Variants in USP25 observed in about 807,000 individuals in gnomAD.
USP25 encodes the protein ubiquitin carboxyl-terminal hydrolase 25.
Under a neutral mutation model 158.5 loss-of-function variants are expected in USP25, and 85 were observed. That is an observed-to-expected ratio of 0.54 (90% CI 0.45 to 0.64). The LOEUF (loss-of-function observed/expected upper bound fraction) is 0.64, where lower values mean the gene tolerates loss of function less well. Among genes scored for constraint, USP25 ranks in the 30% least tolerant of loss-of-function variants. The pLI, the probability that USP25 is intolerant of heterozygous loss-of-function variation, is 0.00. For synonymous variants in USP25, 464 were observed against 460.4 expected, an observed-to-expected ratio of 1.01 and a Z score of -0.10; for missense variants, 1,242 against 1,327.3, an observed-to-expected ratio of 0.94 and a Z score of 1.00.
chr21:15,776,516 A>C (rs111691406), intron 3 of USP25, among the ~76,000 whole-genome samples: 2,052 of 152,118 alleles, frequency 0.013, 43 homozygotes, highest in African/African-American at 0.044. Flanking sequence ...TATTTATGTA[A>C]AACCTTATAG....
chr21:15,868,972 T>G (rs1416691396), intron 22 of USP25, among the ~76,000 whole-genome samples: 1 of 152,188 alleles, frequency 6.6e-6, no homozygotes, highest in Non-Finnish European at 1.5e-5. Context: ...AGACTGGATG[T>G]GGTGGCTCAT....
chr21:15,878,346 T>G lies in USP25; in HGVS notation c.3249T>G (p.Leu1083=). The G allele has an allele frequency of 6.2e-7, 1 of 1,613,412 alleles. No homozygotes were observed. Among genetic ancestry groups the G allele is most frequent in the Non-Finnish European group, 8.5e-7 (1 of 1,179,620 alleles). Residue 1083 remains leucine (L), a synonymous_variant, in exon 26 of 26, where the codon CTT becomes CTG. Coordinates refer to ENST00000400183, the MANE Select transcript of USP25 (RefSeq NM_001283041.3). Reference sequence around the variant, plus strand: ...TGACAGATTTTTTGCCAAAACTGCTTGATTGTTCTATGGAGATTAAAAGTT... The same window carrying G: ...TGACAGATTTTTTGCCAAAACTGCTGGATTGTTCTATGGAGATTAAAAGTT... ...EKLTDFLPKL[L]DCSMEIKSFH... is the part of the protein sequence containing the mutation.
chr21:15,791,228 C>CT (rs1011554351), intron 4 of USP25, among the ~76,000 whole-genome samples: 40 of 151,734 alleles, frequency 2.6e-4, no homozygotes, highest in African/African-American at 9.4e-4. Flanking sequence ...GTACTAATAT[C>CT]TAATTTGTTG....
intron 4 of USP25, among the ~76,000 whole-genome samples, chr21:15,783,443 A>G (rs765438435): frequency 4.6e-5 from 7 of 152,150 alleles, no homozygotes; most frequent in Non-Finnish European, 1.0e-4. Flanking sequence ...CAGCCCCTCA[A>G]AATCCTCTCA....
chr21:15,823,661 T>G (rs1273503198), intron 10 of USP25, among the ~76,000 whole-genome samples: 2 of 152,158 alleles, frequency 1.3e-5, no homozygotes, highest in Non-Finnish European at 2.9e-5. Flanking sequence ...AGGATTTTGA[T>G]GCTTTGGTTA....
chr21:15,740,297 G>A (rs1044381515), intron 1 of USP25, among the ~76,000 whole-genome samples: 1 of 152,212 alleles, frequency 6.6e-6, no homozygotes, highest in Non-Finnish European at 1.5e-5. Context: ...AAAGGTAAAA[G>A]TGCCTTGAGC....
At chr21:15,746,505 C>T (rs2032572813) in intron 1 of USP25, among the ~76,000 whole-genome samples, 2 of 152,124 alleles carry the variant, frequency 1.3e-5, no homozygotes, top group Admixed American at 6.5e-5. Context: ...AGCGATTCTC[C>T]TGCCTCAGCC....
intron 1 of USP25, among the ~76,000 whole-genome samples, chr21:15,740,448 C>T (rs1256726872): frequency 1.3e-5 from 2 of 152,054 alleles, no homozygotes; most frequent in East Asian, 3.9e-4. Flanking sequence ...CAACATGTTT[C>T]CTTGTAGAGG....
Position 15,730,361 on chromosome 21 carries a change from A to G in USP25, c.-33A>G, listed in dbSNP as rs771601190. On this transcript the variant is annotated 5_prime_UTR_variant, in exon 1 of 26. Transcript: ENST00000400183. Reference sequence around the variant, plus strand: ...GCGGAGGCGCGAGGAGCCGGGCGCCACCGCCGCCGCCGCCGCCGCCGCCGC... The same window carrying G: ...GCGGAGGCGCGAGGAGCCGGGCGCCGCCGCCGCCGCCGCCGCCGCCGCCGC... 1,898 of 1,181,196 alleles carry G rather than the reference A, an allele frequency of 1.6e-3. 14 individuals carry two copies. The African/African-American group carries it at 0.019, about 12-fold the overall frequency. The allele number at this position is 1,181,196 out of a possible 1,614,324, so 73.2% of individuals were successfully genotyped here. A position where few individuals can be genotyped will look rare whatever the true frequency, so the allele number is the denominator to read the frequency against.
chr21:15,828,992 A>AT (rs1397531361), intron 14 of USP25, among the ~76,000 whole-genome samples: 1 of 151,770 alleles, frequency 6.6e-6, no homozygotes, highest in East Asian at 1.9e-4. Context: ...TCCTCAGGAT[A>AT]TTTTTTTTCT....
At chr21:15,797,609 A>C (rs2035923254) in intron 5 of USP25, among the ~76,000 whole-genome samples, 1 of 151,396 alleles carries the variant, frequency 6.6e-6, no homozygotes, top group South Asian at 2.1e-4. Flanking sequence ...GTATCCAGGA[A>C]CAAGGAAAAT....
chr21:15,874,709 A>G (rs1468686159), intron 24 of USP25, among the ~76,000 whole-genome samples, 183 bp downstream of exon 24: 1 of 152,220 alleles, frequency 6.6e-6, no homozygotes, highest in African/African-American at 2.4e-5. Context: ...TTTTCTCTTT[A>G]TGAATCCCAA....
At chr21:15,785,107 AT>A (rs2035197653) in intron 4 of USP25, among the ~76,000 whole-genome samples, 2 of 152,340 alleles carry the variant, frequency 1.3e-5, no homozygotes, top group South Asian at 4.1e-4. Context: ...AGAAGCAGCC[AT>A]ACTTGTACTA....
At chr21:15,824,406 T>A (rs888816188) in intron 11 of USP25, among the ~76,000 whole-genome samples, 3 of 152,214 alleles carry the variant, frequency 2.0e-5, no homozygotes, top group African/African-American at 7.2e-5. Context: ...TTCAGAATTT[T>A]AAAAAATACC....
intron 14 of USP25, 129 bp from the exon 15 acceptor site, chr21:15,830,401 TG>T (rs1477350139): frequency 4.8e-6 from 3 of 630,484 alleles, no homozygotes; most frequent in East Asian, 3.2e-5. Context: ...CAAATGGTAA[TG>T]TTTTTTAAGA....
chr21:15,734,942 T>C (rs963166229), intron 1 of USP25, among the ~76,000 whole-genome samples: 7 of 152,216 alleles, frequency 4.6e-5, no homozygotes, highest in Non-Finnish European at 1.0e-4. Flanking sequence ...TTTCATTTAA[T>C]CTTTCCAACC....
intron 1 of USP25, among the ~76,000 whole-genome samples, chr21:15,749,323 T>C (rs1432201985): frequency 6.6e-6 from 1 of 152,246 alleles, no homozygotes; most frequent in East Asian, 1.9e-4. Flanking sequence ...ATTCTAAATA[T>C]TGCTTTATTG....
intron 6 of USP25, among the ~76,000 whole-genome samples, chr21:15,802,008 T>C (rs960324922): frequency 2.0e-5 from 3 of 151,550 alleles, no homozygotes; most frequent in African/African-American, 7.2e-5. Flanking sequence ...AATATAATAA[T>C]AGATCCTTGA....
intron 1 of USP25, among the ~76,000 whole-genome samples, chr21:15,755,298 A>C (rs2033303478): frequency 6.6e-6 from 1 of 152,130 alleles, no homozygotes; most frequent in Non-Finnish European, 1.5e-5. Flanking sequence ...TATATTTGGA[A>C]ATTTAGCTGA....
Sources: allele counts gnomAD v4.1 joint callset (sites outside exome capture counted in the v4.1 genomes callset), GRCh38; gene constraint gnomAD v4.1.1; transcripts MANE v1.5; gene names NCBI Gene and HGNC (gene_info 2026-07-23, HGNC 2026-07-21).